PPHLN1: variants seen among roughly 807,000 people sequenced by gnomAD.
The protein encoded by PPHLN1 is periphilin 1.
PPHLN1 carries 29 observed loss-of-function variants against 51.3 expected under a neutral mutation model. The ratio of observed to expected loss-of-function variants is 0.57; its 90% confidence interval spans 0.42 to 0.77. The LOEUF is 0.77. Among genes scored for constraint, PPHLN1 ranks in the 30% least tolerant of loss-of-function variants. PPHLN1 has a pLI of 0.00. For synonymous variants in PPHLN1, 147 were observed against 147.8 expected (o/e 0.99, Z 0.04); for missense variants, 436 against 438.4 (o/e 0.99, Z 0.05).
intron 2 of PPHLN1, chr12:42,350,107 G>C (rs1216636210): frequency 6.7e-6 from 1 of 150,006 alleles, no homozygotes. Flanking sequence ...GCTGCCGGGC[G>C]GGGGCGCCCC....
At chr12:42,362,911 A>G (rs1365532054) in intron 4 of PPHLN1, among the ~76,000 whole-genome samples, 1 of 152,136 alleles carries the variant, frequency 6.6e-6, no homozygotes. Context: ...GGCCAGAGTA[A>G]TGTCTCCCTG....
At chr12:42,421,749 G>GA (rs1462341016) in intron 9 of PPHLN1, among the ~76,000 whole-genome samples, 1 of 152,118 alleles carries the variant, frequency 6.6e-6, no homozygotes, top group Non-Finnish European at 1.5e-5. Context: ...ATGTATAGTA[G>GA]ATAGTATTTT....
chr12:42,421,092 A>G (rs2080966019), intron 9 of PPHLN1, among the ~76,000 whole-genome samples: 1 of 152,182 alleles, frequency 6.6e-6, no homozygotes, highest in African/African-American at 2.4e-5. Flanking sequence ...ATGTCTAATT[A>G]AAATTTGAGC....
At chr12:42,350,709 T>C (rs2138180810) in intron 2 of PPHLN1, among the ~76,000 whole-genome samples, 1 of 152,284 alleles carries the variant, frequency 6.6e-6, no homozygotes, top group East Asian at 1.9e-4. Flanking sequence ...CTGTCTGCGA[T>C]CCCGGCACCT....
rs954847860 is a variant in PPHLN1 at position 42,442,054 on chromosome 12, A to T, written c.*545A>T. On this transcript the variant is annotated 3_prime_UTR_variant, in exon 10 of 10. Coordinates refer to ENST00000358314, the MANE Select transcript of PPHLN1 (RefSeq NM_201439.2). ...AGAAAAAAATCCGTTTTTCCAAGTA[A>T]TGAACTCAGTGTCTTCTATTACAAT... The T allele has an allele frequency of 6.4e-6, 5 of 781,842 alleles. No homozygotes were observed. The highest frequency in any genetic ancestry group is 7.8e-6 in the Non-Finnish European group (5 of 644,450). The allele number at this position is 781,842 out of a possible 1,614,324, so 48.4% of individuals were successfully genotyped here.
At chr12:42,364,125 G>T (rs935326447) in intron 4 of PPHLN1, among the ~76,000 whole-genome samples, 1 of 152,174 alleles carries the variant, frequency 6.6e-6, no homozygotes, top group Non-Finnish European at 1.5e-5. Context: ...TCAGGAGACT[G>T]AGGCATGAGA....
chr12:42,418,025 C>T (rs550477228), intron 9 of PPHLN1, among the ~76,000 whole-genome samples: 71 of 146,016 alleles, frequency 4.9e-4, no homozygotes, highest in Non-Finnish European at 7.3e-4. Context: ...CTGCAAGCTC[C>T]GCCTCCTGGG....
At chr12:42,389,196 C>A (rs573242468) in intron 7 of PPHLN1, among the ~76,000 whole-genome samples, 8 of 152,028 alleles carry the variant, frequency 5.3e-5, no homozygotes, top group Non-Finnish European at 7.4e-5. Context: ...CGTGGTGAAA[C>A]CCCGTCTCTA....
intron 2 of PPHLN1, chr12:42,343,848 CTGTCACCAAAAGACGT>C (rs1345246427): frequency 1.1e-4 from 47 of 434,504 alleles, no homozygotes; most frequent in Admixed American, 8.2e-4. Flanking sequence ...TTTTGACACA[CTGTCACCAAAAGACGT>C]TGGAATGACT....
At chr12:42,425,391 T>TA (rs564340100) in intron 9 of PPHLN1, among the ~76,000 whole-genome samples, 4,110 of 147,904 alleles carry the variant, frequency 0.028, 207 homozygotes, top group African/African-American at 0.098. Flanking sequence ...GCGCCCAGCC[T>TA]ATTTTATTTT....
chr12:42,446,390 T>G, downstream of PPHLN1: 1 of 1,458,590 alleles, frequency 6.9e-7, no homozygotes, highest in East Asian at 2.3e-5. Flanking sequence ...CCCTATTCCC[T>G]TCCCAGCGTC....
At chr12:42,389,531 G>T (rs902477604) in intron 7 of PPHLN1, among the ~76,000 whole-genome samples, 3 of 152,210 alleles carry the variant, frequency 2.0e-5, no homozygotes, top group Non-Finnish European at 2.9e-5. Flanking sequence ...CTGCACTCCA[G>T]CCTGGGCGAC....
At chr12:42,344,986 C>T (rs919618590) in intron 2 of PPHLN1, among the ~76,000 whole-genome samples, 1 of 152,086 alleles carries the variant, frequency 6.6e-6, no homozygotes, top group African/African-American at 2.4e-5. Flanking sequence ...GTTGGGATTA[C>T]AGGTGTGAGC....
intron 9 of PPHLN1, among the ~76,000 whole-genome samples, chr12:42,413,254 T>A (rs935411004): frequency 3.9e-5 from 6 of 152,334 alleles, no homozygotes; most frequent in Admixed American, 3.9e-4. Flanking sequence ...GATGTTAGAT[T>A]TAAGTCTTTG....
At chr12:42,376,597 G>C (rs1286157258) in intron 5 of PPHLN1, among the ~76,000 whole-genome samples, 2 of 152,014 alleles carry the variant, frequency 1.3e-5, no homozygotes, top group Non-Finnish European at 2.9e-5. Context: ...GACCAGCCTG[G>C]GCAAACATAG....
At chr12:42,374,502 C>T (rs573078734) in intron 4 of PPHLN1, 116 of 169,298 alleles carry the variant, frequency 6.9e-4, no homozygotes, top group African/African-American at 2.5e-3. Context: ...TACAGTGGCG[C>T]GATCTGGGCT....
rs553341284 is a variant in PPHLN1 at position 42,359,299 on chromosome 12, A to C, written c.299+4077A>C. On this transcript the variant is annotated intron_variant, in intron 4 of 9. Coordinates refer to ENST00000358314, the MANE Select transcript of PPHLN1 (RefSeq NM_201439.2). ...GTATGGTATATTCATTCATTTATTA[A>C]ATATTTCTTGTGGTATCTAATATGT... is the stretch of plus-strand genomic sequence containing the variant. 2.0e-5 allele frequency: 3 copies of C among 152,288 alleles called. No individual in the cohort carries two copies. The South Asian group carries it at 6.2e-4, about 32-fold the overall frequency. 9.4% of individuals were successfully genotyped at this position (152,288 alleles called of 1,614,324 possible).
At chr12:42,367,672 G>C (rs923273242) in intron 4 of PPHLN1, among the ~76,000 whole-genome samples, 3 of 151,982 alleles carry the variant, frequency 2.0e-5, no homozygotes, top group African/African-American at 4.8e-5. Context: ...TTTTTTATTA[G>C]TGTGTTCATC....
At chr12:42,361,633 G>C (rs534653900) in intron 4 of PPHLN1, 1 of 152,228 alleles carries the variant, frequency 6.6e-6, no homozygotes, top group East Asian at 1.9e-4. Flanking sequence ...TTGGTTGGTT[G>C]GTTGGTTTTG....
Sources: gnomAD v4.1 joint callset for allele counts (sites outside exome capture counted in the v4.1 genomes callset) on GRCh38, gnomAD v4.1.1 for gene constraint, MANE v1.5 for transcripts, NCBI Gene and HGNC (gene_info 2026-07-23, HGNC 2026-07-21) for gene names.